The following ZNF273 variants were observed in gnomAD, a reference collection of about 807,000 sequenced individuals.
ZNF273 encodes the protein zinc finger protein 273.
A neutral mutation model predicts 14.9 loss-of-function variants in ZNF273; 11 were observed. The observed-to-expected ratio is 0.74, with a 90% confidence interval of 0.46 to 1.22. The LOEUF is 1.22. Among genes scored for constraint, ZNF273 ranks in the 50% most tolerant of loss-of-function variants. The probability of loss-of-function intolerance (pLI) is 0.00; values close to 1 mark genes in which losing one functional copy is unlikely to be tolerated. For synonymous variants in ZNF273, 199 were observed against 223.9 expected, an observed-to-expected ratio of 0.89 and a Z score of 0.99; for missense variants, 577 against 660.6, an observed-to-expected ratio of 0.87 and a Z score of 1.39.
In ZNF273 at chr7:64,903,334, G is replaced by A; in HGVS notation, c.17G>A (p.Arg6Lys). The part of the protein sequence containing the change: MSSAP[R>K]GPPSVAPLPA... ...CACTGCTCTATGTCCTCTGCTCCTA[G>A]AGGTCCACCTTCTGTGGCCCCGTTA... Residue 6 changes from arginine to lysine, a missense_variant, in exon 1 of 4, where the codon AGA (arginine) becomes AAA (lysine). By Grantham distance (26) the Arg-to-Lys change is conservative (BLOSUM62 2). Around this residue, in one of 3 missense-constraint regions of ZNF273, gnomAD observed 162 missense variants for 203.5 expected, o/e 0.80. Transcript: ENST00000476120. 1.2e-6 allele frequency: 2 copies of A among 1,613,032 alleles called. No homozygotes were observed. The highest frequency in any genetic ancestry group is 2.2e-5 in the South Asian group (2 of 91,070).
At position 64,905,875 on chromosome 7, in the gene ZNF273, G is replaced by T. The variant is rs116225070; in HGVS notation, c.102+2456G>T. On this transcript the variant is annotated intron_variant, in intron 1 of 3. Coordinates refer to ENST00000476120, the MANE Select transcript of ZNF273 (RefSeq NM_021148.3). ...CTTTTTTTGACTTCAGTTTTTTATT[G>T]TAAGTTGCATTTTATTAGTAAAACT... 8.9e-3 allele frequency among the ~76,000 whole-genome samples: 1,352 copies of T among 152,168 alleles called. 21 individuals carry two copies. Among genetic ancestry groups the T allele is most frequent in the African/African-American group, 0.031 (1,301 of 41,522 alleles).
intron 1 of ZNF273, among the ~76,000 whole-genome samples, chr7:64,914,739 A>G (rs1162288888): frequency 6.6e-6 from 1 of 152,164 alleles, no homozygotes; most frequent in Non-Finnish European, 1.5e-5. Context: ...TAAAGAACAG[A>G]AACGGGCGGG....
downstream of ZNF273, among the ~76,000 whole-genome samples, chr7:64,881,766 G>A (rs1227886561): frequency 2.0e-5 from 3 of 152,152 alleles, no homozygotes; most frequent in Non-Finnish European, 4.4e-5. Flanking sequence ...TGAACTCTGC[G>A]GGAGGCTCTT....
intron 1 of ZNF273, chr7:64,888,529 C>G (rs1405648715): frequency 2.0e-6 from 2 of 985,674 alleles, no homozygotes; most frequent in African/African-American, 3.5e-5. Context: ...TTAAGAGATA[C>G]GAAACCCATT....
downstream of ZNF273, among the ~76,000 whole-genome samples, chr7:64,890,797 T>G (rs1390268530): frequency 6.8e-6 from 1 of 147,810 alleles, no homozygotes; most frequent in Non-Finnish European, 1.5e-5. Flanking sequence ...GGCTCAGTGA[T>G]GGGGCAAAGG....
chr7:64,889,811 C>A (rs542017759), downstream of ZNF273: 1 of 967,996 alleles, frequency 1.0e-6, no homozygotes, highest in South Asian at 4.8e-5. The surrounding 1 kb of genome is among the most constrained non-coding windows in gnomAD (Gnocchi z 4.2). Context: ...TTTAAAAAAC[C>A]TGAGGGTTAA....
At chr7:64,931,500 T>G (rs1794992132), downstream of ZNF273, among the ~76,000 whole-genome samples, 1 of 152,204 alleles carries the variant, frequency 6.6e-6, no homozygotes, top group Non-Finnish European at 1.5e-5. Context: ...TTTTTAGATG[T>G]AATTTTACTA....
downstream of ZNF273, among the ~76,000 whole-genome samples, chr7:64,892,820 A>G (rs1792115636): frequency 6.6e-6 from 1 of 152,196 alleles, no homozygotes; most frequent in South Asian, 2.1e-4. Context: ...ATTTGCATGG[A>G]TTACGGAAAA....
chr7:64,931,770 A>G (rs1371797227), downstream of ZNF273, among the ~76,000 whole-genome samples: 1 of 152,172 alleles, frequency 6.6e-6, no homozygotes, highest in Non-Finnish European at 1.5e-5. Flanking sequence ...CTCCATAGTA[A>G]GACATAAATA....
downstream of ZNF273, among the ~76,000 whole-genome samples, chr7:64,892,197 C>T (rs1017076832): frequency 6.6e-6 from 1 of 151,314 alleles, no homozygotes; most frequent in South Asian, 2.1e-4. Flanking sequence ...CTTTCATAGA[C>T]AAAAAAAACA....
exon 2 of ZNF273, chr7:64,888,699 G>C (rs6460207): frequency 0.94 from 926,745 of 985,674 alleles, 436,099 homozygotes; most frequent in South Asian, 0.98. Flanking sequence ...TGAGAGGTCC[G>C]GCTCCTGGAG....
intron 1 of ZNF273, among the ~76,000 whole-genome samples, chr7:64,905,527 C>G (rs1187592566): frequency 6.7e-6 from 1 of 148,876 alleles, no homozygotes; most frequent in Non-Finnish European, 1.5e-5. Context: ...GTCAGCCAAT[C>G]AGATGCTGGT....
chr7:64,934,883 A>AT (rs1285532658), downstream of ZNF273, among the ~76,000 whole-genome samples: 1 of 151,984 alleles, frequency 6.6e-6, no homozygotes, highest in African/African-American at 2.4e-5. Context: ...TCTGCAGATT[A>AT]TTTTCTGTAA....
At position 64,927,961 on chromosome 7, in the gene ZNF273, T is replaced by C. The variant is rs750758395; in HGVS notation, c.633T>C (p.Cys211=). 14 of 1,613,772 alleles carry C rather than the reference T, an allele frequency of 8.7e-6. No homozygotes were observed. The highest frequency in any genetic ancestry group is 3.3e-4 in the Middle Eastern group (2 of 6,080). The part of the protein sequence containing the change: ...TGKKPFKCKE[C]GKSCCILSQL... ...AGAAACCTTTCAAATGTAAAGAATG[T>C]GGCAAATCATGTTGCATACTTTCAC... Residue 211 remains cysteine, a synonymous_variant, in exon 4 of 4, where the codon TGT becomes TGC. Coordinates refer to ENST00000476120, the MANE Select transcript of ZNF273 (RefSeq NM_021148.3).
At chr7:64,915,603 C>CACCCT (rs1562960468) in intron 1 of ZNF273, among the ~76,000 whole-genome samples, 1 of 152,212 alleles carries the variant, frequency 6.6e-6, no homozygotes, top group Non-Finnish European at 1.5e-5. Context: ...AGCGGTTTTC[C>CACCCT]GCCCTGGGTG....
At chr7:64,889,117 C>T, downstream of ZNF273, 1 of 985,960 alleles carries the variant, frequency 1.0e-6, no homozygotes, top group Non-Finnish European at 1.2e-6. This position sits in a 1 kb window ranked among gnomAD's most constrained non-coding sequence, Gnocchi z 4.2. Context: ...GGGAGCCAAG[C>T]AGGGATCCGG....
downstream of ZNF273, chr7:64,933,395 A>G (rs1386622455): frequency 6.6e-6 from 1 of 152,198 alleles, no homozygotes; most frequent in African/African-American, 2.4e-5. Flanking sequence ...AGATCAGGGC[A>G]ACTTTTGGAT....
chr7:64,900,119 T>TC (rs1491250916), upstream of ZNF273, among the ~76,000 whole-genome samples: 4 of 132,254 alleles, frequency 3.0e-5, no homozygotes, highest in East Asian at 2.4e-4. Context: ...TTTCTCTCTC[T>TC]TTTTTTTTTT....
At chr7:64,927,340 G>A (rs768925653) in intron 3 of ZNF273, among the ~76,000 whole-genome samples, 9 of 150,928 alleles carry the variant, frequency 6.0e-5, no homozygotes, top group South Asian at 2.1e-4. Context: ...TGCCTGCCTC[G>A]GCCTCCCAAA....
Sources: gnomAD v4.1 joint callset for allele counts (sites outside exome capture counted in the v4.1 genomes callset) on GRCh38, gnomAD v4.1.1 for gene constraint, gnomAD v4.1.1 regional missense constraint, Gnocchi (gnomAD v3.1) non-coding constraint, MANE v1.5 for transcripts, NCBI Gene and HGNC (gene_info 2026-07-23, HGNC 2026-07-21) for gene names.